LYSMD2: variants seen among roughly 807,000 people sequenced by gnomAD.
The protein encoded by LYSMD2 is lysM and putative peptidoglycan-binding domain-containing protein 2.
In LYSMD2, 6 loss-of-function variants were observed where a neutral mutation model predicts 17.7. The observed-to-expected ratio is 0.34, with a 90% CI of 0.19 to 0.67. The LOEUF is 0.67. Among genes scored for constraint, LYSMD2 ranks in the 30% least tolerant of loss-of-function variants. The pLI is 0.69. For synonymous variants in LYSMD2, 102 were observed against 129.8 expected (o/e 0.79, Z 1.45); for missense variants, 237 against 286.7 (o/e 0.83, Z 1.25).
At chr15:51,726,013 A>G (rs779015509) in intron 1 of LYSMD2, among the ~76,000 whole-genome samples, 14 of 152,234 alleles carry the variant, frequency 9.2e-5, no homozygotes, top group Non-Finnish European at 1.9e-4. Context: ...TAAAAACAAA[A>G]AAATTGTATT....
intron 1 of LYSMD2, 27 bp from the exon 2 acceptor site, chr15:51,725,148 A>G (rs2414116): frequency 0.54 from 769,249 of 1,425,914 alleles, 209,012 homozygotes; most frequent in Admixed American, 0.67. Context: ...GAGACACAGA[A>G]TTACATATAA....
intron 1 of LYSMD2, among the ~76,000 whole-genome samples, chr15:51,733,595 G>A (rs2055590252): frequency 6.6e-6 from 1 of 152,032 alleles, no homozygotes; most frequent in Non-Finnish European, 1.5e-5. Flanking sequence ...AAGGCAATGA[G>A]GGAACAAATC....
At chr15:51,748,011 G>A (rs2055676748) in intron 1 of LYSMD2, among the ~76,000 whole-genome samples, 2 of 152,022 alleles carry the variant, frequency 1.3e-5, no homozygotes, top group Admixed American at 6.6e-5. Flanking sequence ...GGTGGCTCAC[G>A]CCTGTGATCC....
chr15:51,740,588 T>C (rs1236174201), upstream of LYSMD2, among the ~76,000 whole-genome samples: 2 of 115,778 alleles, frequency 1.7e-5, no homozygotes, highest in Admixed American at 9.5e-5. Context: ...CTAAAATGTT[T>C]ATAGGCAACA....
chr15:51,726,797 T>C (rs1474705522), intron 1 of LYSMD2, among the ~76,000 whole-genome samples: 3 of 152,204 alleles, frequency 2.0e-5, no homozygotes, highest in African/African-American at 7.2e-5. Flanking sequence ...TTTCTGTCAC[T>C]TGTAGCTGAA....
intron 1 of LYSMD2, among the ~76,000 whole-genome samples, chr15:51,745,231 A>G (rs1595855211): frequency 6.6e-6 from 1 of 152,182 alleles, no homozygotes; most frequent in Admixed American, 6.5e-5. Flanking sequence ...CCAAAAAAAT[A>G]GAACACTTTC....
At chr15:51,728,454 C>CA (rs1384771863) in intron 1 of LYSMD2, among the ~76,000 whole-genome samples, 1 of 151,468 alleles carries the variant, frequency 6.6e-6, no homozygotes, top group Non-Finnish European at 1.5e-5. Flanking sequence ...AAGAAGTACT[C>CA]AAAGGTGTCA....
chr15:51,737,732 TC>T, upstream of LYSMD2: 1 of 835,892 alleles, frequency 1.2e-6, no homozygotes, highest in Non-Finnish European at 1.6e-6. This position sits in a 1 kb window ranked among gnomAD's most constrained non-coding sequence, Gnocchi z 4.2. Context: ...AGCAGGCCGT[TC>T]CGCGGGGGCG....
At chr15:51,725,440 A>C (rs1429137393) in intron 1 of LYSMD2, among the ~76,000 whole-genome samples, 1 of 152,208 alleles carries the variant, frequency 6.6e-6, no homozygotes, top group Non-Finnish European at 1.5e-5. Flanking sequence ...GCACTTAATA[A>C]ATTCCATTCT....
Position 51,723,839 on chromosome 15 carries a change from C to T in LYSMD2, c.606-190G>A, listed in dbSNP as rs1391666573. On this transcript the variant is annotated intron_variant, in intron 2 of 2. Transcript: ENST00000267838. ...CTTACTATCTCCATTTTATTCATATCTCAGTTATTAGAATAAATAATGTCA... is the reference window on the plus strand; with the variant it reads ...CTTACTATCTCCATTTTATTCATATTTCAGTTATTAGAATAAATAATGTCA... 3.3e-5 allele frequency among the ~76,000 whole-genome samples: 5 copies of T among 151,934 alleles called. 1 individual carries two copies. Among genetic ancestry groups the T allele is most frequent in the African/African-American group, 9.7e-5 (4 of 41,394 alleles).
rs2055613544 is a variant in LYSMD2, at chr15:51,737,007, C to T, written c.273+343G>A. 6.6e-6 allele frequency among the ~76,000 whole-genome samples: 1 copy of T among 152,186 alleles called. No individual in the cohort carries two copies. The highest frequency in any genetic ancestry group is 6.5e-5 in the Admixed American group (1 of 15,284). The stretch of plus-strand genomic sequence containing the variant: ...CTGCAAATTGGGTGAAGGTGGTTCA[C>T]GGGGATGCCAAAGCCCTAGTCCTCT... On this transcript the variant is annotated intron_variant, in intron 1 of 2. Transcript: ENST00000267838. The surrounding 1 kb of genome is among the most constrained non-coding windows in gnomAD (Gnocchi z 4.2).
chr15:51,749,541 G>A (rs116871731), intron 1 of LYSMD2, among the ~76,000 whole-genome samples: 2,295 of 152,250 alleles, frequency 0.015, 83 homozygotes, highest in Admixed American at 0.072. Context: ...TACTCTATTC[G>A]TTTTATCACA....
intron 1 of LYSMD2, chr15:51,751,218 T>G (rs1370082047): frequency 1.4e-6 from 1 of 700,154 alleles, no homozygotes; most frequent in Non-Finnish European, 2.6e-6. Flanking sequence ...AACTACTCTC[T>G]CCTCCCACGC....
At chr15:51,731,729 G>T (rs542008031) in intron 1 of LYSMD2, among the ~76,000 whole-genome samples, 1 of 152,234 alleles carries the variant, frequency 6.6e-6, no homozygotes, top group East Asian at 1.9e-4. Context: ...GTTTCTATAT[G>T]GCTCTCTGGA....
chr15:51,731,891 G>A lies in LYSMD2; in HGVS notation c.273+5459C>T, dbSNP rs181050406. Reference sequence around the variant, plus strand: ...ACAGGGTTAGGGAAGGAATCTTAATGTCTCAGTGGAGATAAACACACCCAG... The same window carrying A: ...ACAGGGTTAGGGAAGGAATCTTAATATCTCAGTGGAGATAAACACACCCAG... On this transcript the variant is annotated intron_variant, in intron 1 of 2. Coordinates refer to ENST00000267838, the MANE Select transcript of LYSMD2 (RefSeq NM_153374.3). Among the ~76,000 whole-genome samples, 3 of 152,290 alleles carry A rather than the reference G, an allele frequency of 2.0e-5. No individual in the cohort carries two copies. The East Asian group carries it at 5.8e-4, about 29-fold the overall frequency.
At chr15:51,751,007 C>T (rs1216619676) in intron 1 of LYSMD2, among the ~76,000 whole-genome samples, 3 of 152,200 alleles carry the variant, frequency 2.0e-5, no homozygotes. Context: ...TGCTATGGGT[C>T]GCTTAATCCT....
rs2055512648 is a variant in LYSMD2 at position 51,723,073 on chromosome 15, A to C, written c.*534T>G. 6.6e-6 allele frequency: 1 copy of C among 151,888 alleles called. No homozygotes were observed. The highest frequency in any genetic ancestry group is 2.4e-5 in the African/African-American group (1 of 41,408). The allele number at this position is 151,888 out of a possible 1,614,324, so 9.4% of individuals were successfully genotyped here. A position where few individuals can be genotyped will look rare whatever the true frequency, so the allele number is the denominator to read the frequency against. ...AAAAAAAAAAGGAGACTCAAGTTTG[A>C]AAACATAGTTTATTTTCTCATTCAG... On this transcript the variant is annotated 3_prime_UTR_variant, in exon 3 of 3. Transcript: ENST00000267838.
intron 2 of LYSMD2, among the ~76,000 whole-genome samples, chr15:51,724,325 T>C (rs1465220318): frequency 2.0e-5 from 3 of 152,224 alleles, no homozygotes; most frequent in Non-Finnish European, 4.4e-5. Flanking sequence ...ACAATGTCTT[T>C]GACAAGTTTT....
upstream of LYSMD2, chr15:51,737,791 G>C (rs1489050164): frequency 2.3e-6 from 1 of 434,488 alleles, no homozygotes; most frequent in East Asian, 4.4e-5. The surrounding 1 kb of genome is among the most constrained non-coding windows in gnomAD (Gnocchi z 4.2). Flanking sequence ...CATGGCGGGC[G>C]CCTCCTCCTC....
Sources: gnomAD v4.1 joint callset for allele counts (sites outside exome capture counted in the v4.1 genomes callset) on GRCh38, gnomAD v4.1.1 for gene constraint, Gnocchi (gnomAD v3.1) non-coding constraint, MANE v1.5 for transcripts, NCBI Gene and HGNC (gene_info 2026-07-23, HGNC 2026-07-21) for gene names.